Variants in PUS7L observed in about 807,000 individuals in gnomAD.
PUS7L encodes pseudouridine synthase 7 like.
Under a neutral mutation model 51.1 loss-of-function variants are expected in PUS7L, and 49 were observed. The ratio of observed to expected loss-of-function variants is 0.96; its 90% CI spans 0.76 to 1.22. The LOEUF (loss-of-function observed/expected upper bound fraction) is 1.22. Ranked by LOEUF, PUS7L falls within the 50% of genes most tolerant of loss-of-function variation. PUS7L has a pLI of 0.00. For missense variants in PUS7L, 828 were observed against 820.6 expected, an observed-to-expected ratio of 1.01 and a Z score of -0.11; for synonymous variants, 277 against 276.2, an observed-to-expected ratio of 1.00 and a Z score of -0.03.
chr12:43,733,290 A>T (rs1380289986), intron 7 of PUS7L, among the ~76,000 whole-genome samples: 1 of 152,216 alleles, frequency 6.6e-6, no homozygotes, highest in Non-Finnish European at 1.5e-5. Flanking sequence ...TTAATTGTAG[A>T]TGCATATTAC....
In PUS7L at chr12:43,729,631, A is replaced by G. The variant is rs1168269548; in HGVS notation, c.*745T>C. 6.4e-6 allele frequency: 1 copy of G among 156,998 alleles called. No individual in the cohort carries two copies. The highest frequency in any genetic ancestry group is 2.4e-5 in the African/African-American group (1 of 41,706). The allele number at this position is 156,998 out of a possible 1,614,324, so 9.7% of individuals were successfully genotyped here. The stretch of plus-strand genomic sequence containing the variant: ...TGTAATTGTCTTGATTCTATCAGTA[A>G]CCACACACAAAAAAATCAACAACAT... On this transcript the variant is annotated 3_prime_UTR_variant, in exon 9 of 9. Transcript: ENST00000344862.
intron 7 of PUS7L, among the ~76,000 whole-genome samples, chr12:43,734,032 C>T (rs1055826171): frequency 5.3e-5 from 8 of 152,138 alleles, no homozygotes; most frequent in Non-Finnish European, 8.8e-5. Flanking sequence ...TTTCAAGTAG[C>T]GGCACTCTCA....
At position 43,747,936 on chromosome 12, in the gene PUS7L, C is replaced by T. The variant is rs560275407; in HGVS notation, c.1070+514G>A. Among the ~76,000 whole-genome samples, 148 of 152,078 alleles carry T rather than the reference C, an allele frequency of 9.7e-4. 1 individual carries two copies. Among genetic ancestry groups the T allele is most frequent in the African/African-American group, 3.2e-3 (132 of 41,530 alleles). On this transcript the variant is annotated intron_variant, in intron 3 of 8. Coordinates refer to ENST00000344862, the MANE Select transcript of PUS7L (RefSeq NM_031292.5). ...CCAAGTAGCTGGGATTACAGGCGCACGCCATCACATCCAGCTAATTTTTTA... is the reference window on the plus strand; with the variant it reads ...CCAAGTAGCTGGGATTACAGGCGCATGCCATCACATCCAGCTAATTTTTTA...
rs1210764719 is a variant in PUS7L at position 43,725,939 on chromosome 12, CAA to C, written c.*4435_*4436del. The C allele has an allele frequency of 2.6e-5, 4 of 151,736 alleles. No individual in the cohort carries two copies. The highest frequency in any genetic ancestry group is 9.7e-5 in the African/African-American group (4 of 41,270). 9.4% of individuals were successfully genotyped at this position (151,736 alleles called of 1,614,324 possible). ...GATACTCAGAAAATGTTAGTTAAATCAAAAGTTACATGACTTTCAGTTTTTTA... is the reference window on the plus strand; with the variant it reads ...GATACTCAGAAAATGTTAGTTAAATCAAGTTACATGACTTTCAGTTTTTTA... On this transcript the variant is annotated 3_prime_UTR_variant, in exon 9 of 9. Coordinates refer to ENST00000344862, the MANE Select transcript of PUS7L (RefSeq NM_031292.5).
intron 1 of PUS7L, among the ~76,000 whole-genome samples, chr12:43,756,744 T>G (rs1198236478): frequency 1.3e-5 from 2 of 152,212 alleles, no homozygotes; most frequent in Non-Finnish European, 2.9e-5. Flanking sequence ...CTGATTCTTA[T>G]GACTCCCAAT....
chr12:43,730,373 G>C lies in PUS7L; in HGVS notation c.*3C>G, dbSNP rs766841129. On this transcript the variant is annotated 3_prime_UTR_variant, in exon 9 of 9. Coordinates refer to ENST00000344862, the MANE Select transcript of PUS7L (RefSeq NM_031292.5). ...ATATATGGTTATACCAAGGGTATCAGTTTTAAACGTCATGCTTCATTATTT... is the reference window on the plus strand; with the variant it reads ...ATATATGGTTATACCAAGGGTATCACTTTTAAACGTCATGCTTCATTATTT... The C allele has an allele frequency of 6.2e-7, 1 of 1,610,772 alleles. No homozygotes were observed. Among genetic ancestry groups the C allele is most frequent in the Non-Finnish European group, 8.5e-7 (1 of 1,177,548 alleles).
intron 3 of PUS7L, among the ~76,000 whole-genome samples, chr12:43,747,097 T>G (rs1938209349): frequency 6.6e-6 from 1 of 152,162 alleles, no homozygotes; most frequent in Non-Finnish European, 1.5e-5. Context: ...TAAACATGCG[T>G]TAACTAAGAA....
rs765152847 is a variant in PUS7L, at chr12:43,731,724, T to C, written c.1760A>G (p.Asn587Ser). 7.6e-6 allele frequency: 12 copies of C among 1,581,256 alleles called. No individual in the cohort carries two copies. In the East Asian group the frequency reaches 2.5e-4, roughly 33 times the overall value. Residue 587 changes from asparagine (N) to serine (S), a missense_variant, in exon 8 of 9, where the codon AAT (asparagine) becomes AGT (serine). Transcript: ENST00000344862. ...ATTTACCTGATGTATTGCATACATA[T>C]TAGCTGATCCCTCCTCTTCAGTTAC... ...HLVTEEEGSA[N>S]MYAIHQVVLP...
rs928524099 is a variant in PUS7L, at chr12:43,738,101, C to T, written c.1444+209G>A. On this transcript the variant is annotated intron_variant, in intron 6 of 8. Coordinates refer to ENST00000344862, the MANE Select transcript of PUS7L (RefSeq NM_031292.5). ...TTCTCCCATTGCCCCTACCCCTAGA[C>T]AAGACTTAGCATAGACAAAAAAACT... 4 of 450,538 alleles carry T rather than the reference C, an allele frequency of 8.9e-6. No individual in the cohort carries two copies. In the South Asian group the frequency reaches 1.5e-4, roughly 16 times the overall value. The allele number at this position is 450,538 out of a possible 1,614,324, so 27.9% of individuals were successfully genotyped here.
intron 1 of PUS7L, among the ~76,000 whole-genome samples, chr12:43,757,031 T>G (rs750451039): frequency 3.9e-5 from 6 of 152,242 alleles, no homozygotes; most frequent in Non-Finnish European, 8.8e-5. Flanking sequence ...ATACTCCAGC[T>G]ACTCTGGCCT....
At position 43,755,014 on chromosome 12, in the gene PUS7L, G is replaced by T. The variant is rs776919496; in HGVS notation, c.232C>A (p.Leu78Met). Residue 78 changes from leucine to methionine, a missense_variant, in exon 2 of 9, where the codon CTG (leucine) becomes ATG (methionine). By Grantham distance (15) the Leu-to-Met change is conservative. Coordinates refer to ENST00000344862, the MANE Select transcript of PUS7L (RefSeq NM_031292.5). The part of the protein sequence containing the change: ...PKKPKLDLQN[L>M]SLEDGRNQEV... ...TGGTTTCTTCCATCTTCTAAGGACA[G>T]ATTTTGAAGATCTAGTTTTGGTTTT... 6.2e-7 allele frequency: 1 copy of T among 1,613,030 alleles called. No homozygotes were observed. Among genetic ancestry groups the T allele is most frequent in the Admixed American group, 1.7e-5 (1 of 59,836 alleles).
Position 43,755,105 on chromosome 12 carries a change from A to G in PUS7L, c.141T>C (p.Asn47=). 2.5e-6 allele frequency: 4 copies of G among 1,613,690 alleles called. No homozygotes were observed. Among genetic ancestry groups the G allele is most frequent in the Non-Finnish European group, 3.4e-6 (4 of 1,179,768 alleles). The change falls in exon 2 of 9, where the codon AAT becomes AAC. Residue 47 remains asparagine, a synonymous_variant. Coordinates refer to ENST00000344862, the MANE Select transcript of PUS7L (RefSeq NM_031292.5). ...IEIDEQGQLV[N]KTIDEPIFKI... ...TGAAAATAGGCTCATCGATGGTCTT[A>G]TTAACTAACTGTCCCTGTTCATCAA...
At position 43,721,710 on chromosome 12, in the gene PUS7L, A is replaced by G. The variant is rs1944399227; in HGVS notation, c.*8666T>C. On this transcript the variant is annotated 3_prime_UTR_variant, in exon 9 of 9. Coordinates refer to ENST00000344862, the MANE Select transcript of PUS7L (RefSeq NM_031292.5). ...CTATGAGAACACAGATTTCACATAA[A>G]AGACATTTAATATAAGCAGAGATGT... 6.6e-6 allele frequency: 1 copy of G among 152,226 alleles called. No individual in the cohort carries two copies. The highest frequency in any genetic ancestry group is 2.1e-4 in the South Asian group (1 of 4,836). The allele number at this position is 152,226 out of a possible 1,614,324, so 9.4% of individuals were successfully genotyped here. A position where few individuals can be genotyped will look rare whatever the true frequency, so the allele number is the denominator to read the frequency against.
At chr12:43,738,228 T>C (rs1937705395) in intron 6 of PUS7L, 82 bp downstream of exon 6, 1 of 785,562 alleles carries the variant, frequency 1.3e-6, no homozygotes, top group Non-Finnish European at 2.3e-6. Context: ...TATGTTACAA[T>C]AAATGCTCTC....
rs376446114 is a variant in PUS7L at position 43,748,486 on chromosome 12, T to C, written c.1034A>G (p.Tyr345Cys). 6 of 1,604,822 alleles carry C rather than the reference T, an allele frequency of 3.7e-6. No individual in the cohort carries two copies. Among genetic ancestry groups the C allele is most frequent in the South Asian group, 3.4e-5 (3 of 88,230 alleles). The change falls in exon 3 of 9, where the codon TAT (tyrosine) becomes TGT (cysteine). Residue 345 changes from tyrosine (Y) to cysteine (C), a missense_variant. Tyr to Cys is a radical substitution (Grantham distance 194). Transcript: ENST00000344862. ...CACTTTTCTAACAACCATTGCTTGATAGGTGATGGCTTTCTTGTCTTTAAG... is the reference window on the plus strand; with the variant it reads ...CACTTTTCTAACAACCATTGCTTGACAGGTGATGGCTTTCTTGTCTTTAAG... The part of the protein sequence containing the change: ...AGLKDKKAIT[Y>C]QAMVVRKVTP...
intron 5 of PUS7L, 29 bp downstream of exon 5, chr12:43,742,428 G>A (rs762718063): frequency 4.5e-5 from 67 of 1,484,702 alleles, no homozygotes; most frequent in Non-Finnish European, 6.1e-5. Flanking sequence ...GACAGAAACA[G>A]ATAAGATTAC....
rs1242192684 is a variant in PUS7L, at chr12:43,754,320, T to C, written c.910+16A>G. ...TAAGCTTATCCAAGAAAATGGATGATGATTTATTAAATTACCTGTATATAT... is the reference window on the plus strand; with the variant it reads ...TAAGCTTATCCAAGAAAATGGATGACGATTTATTAAATTACCTGTATATAT... On this transcript the variant is annotated intron_variant, in intron 2 of 8. Coordinates refer to ENST00000344862, the MANE Select transcript of PUS7L (RefSeq NM_031292.5). 1 of 1,487,018 alleles carries C rather than the reference T, an allele frequency of 6.7e-7. No individual in the cohort carries two copies. The highest frequency in any genetic ancestry group is 2.3e-5 in the East Asian group (1 of 44,062). 92.1% of individuals were successfully genotyped at this position (1,487,018 alleles called of 1,614,324 possible). A position where few individuals can be genotyped will look rare whatever the true frequency, so the allele number is the denominator to read the frequency against.
intron 2 of PUS7L, 108 bp from the exon 3 acceptor site, chr12:43,748,717 T>C: frequency 1.1e-6 from 1 of 929,764 alleles, no homozygotes; most frequent in Non-Finnish European, 1.5e-6. Context: ...TCTAAGGAGT[T>C]TTGTTGTTGT....
At position 43,723,335 on chromosome 12, in the gene PUS7L, TTAAAC is replaced by T. The variant is rs1470224277; in HGVS notation, c.*7036_*7040del. On this transcript the variant is annotated 3_prime_UTR_variant, in exon 9 of 9. Transcript: ENST00000344862. ...CTCCATTAACACCATTTCCCATTCTTTAAACTAGTAGCTTTTTAGAAAGCAGCATT... is the reference window on the plus strand; with the variant it reads ...CTCCATTAACACCATTTCCCATTCTTTAGTAGCTTTTTAGAAAGCAGCATT... The T allele has an allele frequency of 1.3e-5, 2 of 152,102 alleles. No homozygotes were observed. Among genetic ancestry groups the T allele is most frequent in the African/African-American group, 4.8e-5 (2 of 41,454 alleles). The allele number at this position is 152,102 out of a possible 1,614,324, so 9.4% of individuals were successfully genotyped here.
Sources: allele counts gnomAD v4.1 joint callset (sites outside exome capture counted in the v4.1 genomes callset), GRCh38; gene constraint gnomAD v4.1.1; transcripts MANE v1.5; gene names NCBI Gene and HGNC (gene_info 2026-07-23, HGNC 2026-07-21).